Variants in HTR3A observed in about 807,000 individuals in gnomAD.
HTR3A encodes 5-hydroxytryptamine (serotonin) receptor 3A, ionotropic.
In HTR3A, 45 loss-of-function variants were observed where a neutral mutation model predicts 54.8. That is an observed-to-expected ratio of 0.82 (90% confidence interval 0.65 to 1.05). The LOEUF (loss-of-function observed/expected upper bound fraction) is 1.05. Ranked by LOEUF, HTR3A falls within the 50% of genes least tolerant of loss-of-function variation. HTR3A has a pLI of 0.00. For synonymous variants in HTR3A, 297 were observed against 256.0 expected, an observed-to-expected ratio of 1.16 and a Z score of -1.53; for missense variants, 657 against 614.0, an observed-to-expected ratio of 1.07 and a Z score of -0.74.
rs577649661 is a variant in HTR3A at position 113,988,799 on chromosome 11, CAG to C, written c.1139-664_1139-663del. Among the ~76,000 whole-genome samples the C allele has an allele frequency of 2.1e-3, 314 of 151,796 alleles. 1 individual carries two copies. Among genetic ancestry groups the C allele is most frequent in the Middle Eastern group, 3.4e-3 (1 of 292 alleles). On this transcript the variant is annotated intron_variant, in intron 8 of 8. Transcript: ENST00000504030. ...AACAACAAACAAACAAACAAACAAACAGAATAGTAATCACGCCTACTCTGCCT... is the reference window on the plus strand; with the variant it reads ...AACAACAAACAAACAAACAAACAAACAATAGTAATCACGCCTACTCTGCCT...
Position 113,986,158 on chromosome 11 carries a change from G to A in HTR3A, c.688G>A (p.Ala230Thr), listed in dbSNP as rs1448244325. 1 of 1,614,088 alleles carries A rather than the reference G, an allele frequency of 6.2e-7. No individual in the cohort carries two copies. Among genetic ancestry groups the A allele is most frequent in the Non-Finnish European group, 8.5e-7 (1 of 1,180,052 alleles). The change falls in exon 6 of 9, where the codon GCA (alanine) becomes ACA (threonine). Residue 230 changes from alanine to threonine, a missense_variant. Physicochemically the swap from Ala to Thr is moderately conservative, Grantham distance 58 (BLOSUM62 0). Transcript: ENST00000504030. ...CAGCATGGAAAGCAGTAACTACTAT[G>A]CAGAAATGAAGTTCTATGTGAGTGG... ...EFSMESSNYY[A>T]EMKFYVVIRR...
rs143813835 is a variant in HTR3A at position 113,986,586 on chromosome 11, C to T, written c.774C>T (p.Val258=). 17 of 1,613,452 alleles carry T rather than the reference C, an allele frequency of 1.1e-5. No homozygotes were observed. The highest frequency in any genetic ancestry group is 1.4e-5 in the Non-Finnish European group (17 of 1,180,034). The change falls in exon 7 of 9, where the codon GTC becomes GTT. Residue 258 remains valine (V), a synonymous_variant. Coordinates refer to ENST00000504030, the MANE Select transcript of HTR3A (RefSeq NM_000869.6). ...SLLLPSIFLM[V]MDIVGFYLPP... ...TACTGCCCAGCATCTTCCTCATGGT[C>T]ATGGACATCGTGGGCTTCTACCTGC...
chr11:113,977,237 A>G (rs1388624867), intron 1 of HTR3A, among the ~76,000 whole-genome samples: 1 of 152,072 alleles, frequency 6.6e-6, no homozygotes, highest in African/African-American at 2.4e-5. Flanking sequence ...AGATGCCCAC[A>G]CTTCCTTCTT....
At chr11:113,978,024 AC>A in intron 2 of HTR3A, 102 bp downstream of exon 2, 1 of 1,342,104 alleles carries the variant, frequency 7.5e-7, no homozygotes, top group Non-Finnish European at 1.1e-6. Context: ...GCATTTGAGA[AC>A]CCATAGGACC....
intron 3 of HTR3A, among the ~76,000 whole-genome samples, chr11:113,980,211 C>T (rs1482408600): frequency 6.6e-6 from 1 of 152,198 alleles, no homozygotes; most frequent in Non-Finnish European, 1.5e-5. Context: ...GCTCTAGGGC[C>T]ACTTGTCTGT....
Position 113,989,624 on chromosome 11 carries a change from A to G in HTR3A, c.1298A>G (p.Asp433Gly). ...ATCCGGCAATTCCTGGAAAAGCGGG[A>G]TGAGATCCGAGAGGTGGCCCGAGAC... ...SSIRQFLEKR[D>G]EIREVARDWL... The change falls in exon 9 of 9, where the codon GAT (aspartate) becomes GGT (glycine). Residue 433 changes from aspartate to glycine, a missense_variant. Coordinates refer to ENST00000504030, the MANE Select transcript of HTR3A (RefSeq NM_000869.6). This position sits in a 1 kb window ranked among gnomAD's most constrained non-coding sequence, Gnocchi z 4.4. 1 of 1,614,170 alleles carries G rather than the reference A, an allele frequency of 6.2e-7. No individual in the cohort carries two copies. Among genetic ancestry groups the G allele is most frequent in the Non-Finnish European group, 8.5e-7 (1 of 1,180,024 alleles).
Position 113,975,184 on chromosome 11 carries a change from G to A in HTR3A, c.-142G>A, listed in dbSNP as rs1230562246. 3.9e-6 allele frequency: 3 copies of A among 778,842 alleles called. No homozygotes were observed. The highest frequency in any genetic ancestry group is 3.4e-5 in the African/African-American group (2 of 58,788). 48.2% of individuals were successfully genotyped at this position (778,842 alleles called of 1,614,324 possible). A position where few individuals can be genotyped will look rare whatever the true frequency, so the allele number is the denominator to read the frequency against. On this transcript the variant is annotated 5_prime_UTR_variant, in exon 1 of 9. Coordinates refer to ENST00000504030, the MANE Select transcript of HTR3A (RefSeq NM_000869.6). ...AACCTTGGTGGCCCAGGGAGTGTGA[G>A]GCTGCAGCCTCAGAAGGTGTGAGCA...
At chr11:113,981,385 G>C (rs1456699885) in intron 4 of HTR3A, 73 bp downstream of exon 4, 7 of 886,668 alleles carry the variant, frequency 7.9e-6, no homozygotes, top group Non-Finnish European at 1.1e-5. Flanking sequence ...AGAGAGACAA[G>C]ATTGTCACTG....
intron 1 of HTR3A, 67 bp from the exon 2 acceptor site, chr11:113,977,704 C>G (rs1215225337): frequency 1.3e-6 from 2 of 1,578,766 alleles, no homozygotes; most frequent in African/African-American, 2.7e-5. Context: ...AGCTTACAAA[C>G]CAGGACAAGA....
intron 2 of HTR3A, among the ~76,000 whole-genome samples, chr11:113,978,262 C>T (rs1392505663): frequency 6.6e-6 from 1 of 152,232 alleles, no homozygotes; most frequent in Non-Finnish European, 1.5e-5. Context: ...GTGCCTTACA[C>T]ACATCCCTGG....
At chr11:113,986,222 C>T (rs757872029) in intron 6 of HTR3A, 47 bp downstream of exon 6, 1 of 1,608,848 alleles carries the variant, frequency 6.2e-7, no homozygotes, top group Non-Finnish European at 8.5e-7. Flanking sequence ...AGCTTCACAT[C>T]CAGGTAGACT....
At position 113,975,392 on chromosome 11, in the gene HTR3A, G is replaced by A. The variant is rs72466465; in HGVS notation, c.67G>A (p.Ala23Thr). 10 of 1,611,516 alleles carry A rather than the reference G, an allele frequency of 6.2e-6. No individual in the cohort carries two copies. In the African/African-American group the frequency reaches 1.3e-4, roughly 22 times the overall value. Reference protein sequence around the residue: ...LLPTLLAQGEARRSRNTTRPA... With the variant: ...LLPTLLAQGETRRSRNTTRPA... ...CCCCACACTCCTGGCACAGGGAGAA[G>A]GTAAGCAGACTTCGGGAAGCAGCAG... Residue 23 changes from alanine to threonine, a missense_variant and splice_region_variant, in exon 1 of 9, where the codon GCC becomes ACC. Ala to Thr is a moderately conservative substitution (Grantham distance 58). Transcript: ENST00000504030.
chr11:113,984,816 A>G (rs1033671302), intron 5 of HTR3A, among the ~76,000 whole-genome samples: 6 of 152,064 alleles, frequency 3.9e-5, no homozygotes, highest in Non-Finnish European at 8.8e-5. Flanking sequence ...TACTCAGGAG[A>G]CTGAGGCTGG....
intron 4 of HTR3A, among the ~76,000 whole-genome samples, chr11:113,982,825 C>G (rs575597548): frequency 6.6e-6 from 1 of 152,290 alleles, no homozygotes; most frequent in South Asian, 2.1e-4. Context: ...GGCACGCTTC[C>G]TACTGTCCAT....
chr11:113,987,409 C>T (rs145339983), intron 8 of HTR3A, among the ~76,000 whole-genome samples: 1 of 152,326 alleles, frequency 6.6e-6, no homozygotes, highest in African/African-American at 2.4e-5. Flanking sequence ...CGGTTAAATA[C>T]TGCCACTGGG....
intron 4 of HTR3A, 45 bp from the exon 5 acceptor site, chr11:113,983,075 G>T (rs939549313): frequency 2.5e-6 from 4 of 1,611,858 alleles, no homozygotes; most frequent in Non-Finnish European, 3.4e-6. Context: ...CCCAGAGCTT[G>T]CCCTGTCTCT....
chr11:113,976,040 C>A (rs769138701), intron 1 of HTR3A, among the ~76,000 whole-genome samples: 5 of 152,128 alleles, frequency 3.3e-5, no homozygotes, highest in Non-Finnish European at 7.4e-5. Context: ...ACAAAGGGAC[C>A]GGCTTCCTTT....
rs997368079 is a variant in HTR3A, at chr11:113,989,805, G to A, written c.*42G>A. The A allele has an allele frequency of 8.8e-6, 14 of 1,595,740 alleles. No individual in the cohort carries two copies. Among genetic ancestry groups the A allele is most frequent in the Non-Finnish European group, 1.2e-5 (14 of 1,174,662 alleles). On this transcript the variant is annotated 3_prime_UTR_variant, in exon 9 of 9. Coordinates refer to ENST00000504030, the MANE Select transcript of HTR3A (RefSeq NM_000869.6). The surrounding 1 kb of genome is among the most constrained non-coding windows in gnomAD (Gnocchi z 4.4). ...GGAGGAGGGGGTACAGTCCTGGTTA[G>A]GTGGGGACAGAGGATTTCTGCTTAG...
At chr11:113,976,582 T>C (rs994003399) in intron 1 of HTR3A, among the ~76,000 whole-genome samples, 2 of 83,978 alleles carry the variant, frequency 2.4e-5, no homozygotes, top group Non-Finnish European at 5.6e-5. Flanking sequence ...TGTGTGTGTG[T>C]GTGTGTGTGT....
Sources: allele counts gnomAD v4.1 joint callset (sites outside exome capture counted in the v4.1 genomes callset), GRCh38; gene constraint gnomAD v4.1.1; non-coding constraint Gnocchi (gnomAD v3.1); transcripts MANE v1.5; gene names NCBI Gene and HGNC (gene_info 2026-07-23, HGNC 2026-07-21).